Variants in APPBP2 observed in about 807,000 individuals in gnomAD.
The protein encoded by APPBP2 is amyloid beta precursor protein binding protein 2.
APPBP2 carries 15 observed loss-of-function variants against 76.0 expected under a neutral mutation model. The ratio of observed to expected loss-of-function variants is 0.20; its 90% CI spans 0.13 to 0.30. APPBP2 has a LOEUF of 0.30. Ranked by LOEUF, APPBP2 falls within the 10% of genes least tolerant of loss-of-function variation. APPBP2 has a pLI of 1.00. For missense variants in APPBP2, 401 were observed against 687.2 expected (o/e 0.58, Z 4.66); for synonymous variants, 222 against 242.2 (o/e 0.92, Z 0.77).
chr17:60,503,299 C>T (rs1329679359), intron 1 of APPBP2, among the ~76,000 whole-genome samples: 1 of 146,422 alleles, frequency 6.8e-6, no homozygotes, highest in East Asian at 1.9e-4. Flanking sequence ...GCATGAGTTT[C>T]TCTAGTTAAA....
At chr17:60,518,594 C>A (rs564944937) in intron 1 of APPBP2, among the ~76,000 whole-genome samples, 80 of 152,100 alleles carry the variant, frequency 5.3e-4, no homozygotes, top group South Asian at 8.3e-4. Context: ...CCACTCACTG[C>A]AGCCTTGAAT....
chr17:60,516,305 T>C (rs1007954424), intron 1 of APPBP2, among the ~76,000 whole-genome samples: 2 of 152,126 alleles, frequency 1.3e-5, no homozygotes, highest in South Asian at 2.1e-4. Flanking sequence ...AGAATGAAAG[T>C]TTTTTCGTTC....
In APPBP2 at chr17:60,446,911, T is replaced by C. The variant is rs919995491; in HGVS notation, c.*670A>G. The C allele has an allele frequency of 1.3e-5, 2 of 152,242 alleles. No homozygotes were observed. Among genetic ancestry groups the C allele is most frequent in the Non-Finnish European group, 1.5e-5 (1 of 68,032 alleles). The allele number at this position is 152,242 out of a possible 1,614,324, so 9.4% of individuals were successfully genotyped here. ...GCAAATGCTATCAGAGCATCTTGCA[T>C]TGTTGTACCAAAAAAAAAAAAGTCA... On this transcript the variant is annotated 3_prime_UTR_variant, in exon 13 of 13. Transcript: ENST00000083182.
rs879896202 is a variant in APPBP2 at position 60,504,138 on chromosome 17, T to TTTA, written c.139-3652_139-3651insTAA. Among the ~76,000 whole-genome samples, 253 of 152,326 alleles carry TTTA rather than the reference T, an allele frequency of 1.7e-3. 2 individuals are homozygous for TTTA. The highest frequency in any genetic ancestry group is 2.8e-3 in the Admixed American group (43 of 15,292). ...GATTCTCATATAAGATTTTTAAAAC[T>TTTA]TATTTTAGTTTATATTATGTACCCG... On this transcript the variant is annotated intron_variant, in intron 1 of 12. Transcript: ENST00000083182.
intron 2 of APPBP2, among the ~76,000 whole-genome samples, chr17:60,496,250 T>G (rs1212465226): frequency 6.6e-6 from 1 of 152,222 alleles, no homozygotes; most frequent in Non-Finnish European, 1.5e-5. Flanking sequence ...ATCTTGTGAA[T>G]AGTTGAATGG....
chr17:60,510,549 C>T (rs112951432), intron 1 of APPBP2, among the ~76,000 whole-genome samples: 12,450 of 151,454 alleles, frequency 0.082, 1,674 homozygotes, highest in African/African-American at 0.28. Context: ...TAGGGAGACC[C>T]CCATCACTAC....
At chr17:60,471,033 A>G (rs2090548607) in intron 4 of APPBP2, among the ~76,000 whole-genome samples, 1 of 151,590 alleles carries the variant, frequency 6.6e-6, no homozygotes, top group African/African-American at 2.4e-5. Flanking sequence ...CTGACCTCAG[A>G]TGATCTCTCT....
At chr17:60,460,452 C>G (rs1306176632) in intron 9 of APPBP2, 1 of 312,742 alleles carries the variant, frequency 3.2e-6, no homozygotes, top group Non-Finnish European at 5.6e-6. Context: ...GCTGGGATTA[C>G]AGGCGGGAGC....
rs969190917 is a variant in APPBP2, at chr17:60,444,833, G to A, written c.*2748C>T. Reference sequence around the variant, plus strand: ...CTTTAGGAAAAGACTGGGTAGAAGAGTCAGAGAAGGATGAGACCAAAGGCC... The same window carrying A: ...CTTTAGGAAAAGACTGGGTAGAAGAATCAGAGAAGGATGAGACCAAAGGCC... On this transcript the variant is annotated 3_prime_UTR_variant, in exon 13 of 13. Transcript: ENST00000083182. 6.6e-6 allele frequency: 1 copy of A among 152,546 alleles called. No homozygotes were observed. The highest frequency in any genetic ancestry group is 2.4e-5 in the African/African-American group (1 of 41,424). 9.4% of individuals were successfully genotyped at this position (152,546 alleles called of 1,614,324 possible). A position where few individuals can be genotyped will look rare whatever the true frequency, so the allele number is the denominator to read the frequency against.
intron 2 of APPBP2, among the ~76,000 whole-genome samples, chr17:60,500,104 C>T (rs964182969): frequency 4.0e-5 from 6 of 151,838 alleles, no homozygotes; most frequent in Admixed American, 3.9e-4. Context: ...CTCCGCCTCC[C>T]AGGTTCACGC....
Position 60,503,624 on chromosome 17 carries a change from G to A in APPBP2, c.139-3137C>T, listed in dbSNP as rs142502812. On this transcript the variant is annotated intron_variant, in intron 1 of 12. Transcript: ENST00000083182. ...TGGTCTTGAACTCCTGACCTCAGGT[G>A]ATCCGCCTGCCTTAGCCTCCCAATG... Among the ~76,000 whole-genome samples, 1,374 of 146,522 alleles carry A rather than the reference G, an allele frequency of 9.4e-3. 36 individuals carry two copies. Among genetic ancestry groups the A allele is most frequent in the Non-Finnish European group, 0.013 (870 of 68,020 alleles).
chr17:60,472,875 C>T (rs2090563522), intron 4 of APPBP2, among the ~76,000 whole-genome samples: 1 of 152,142 alleles, frequency 6.6e-6, no homozygotes, highest in African/African-American at 2.4e-5. Flanking sequence ...ATCTTATTTG[C>T]TACACATAGG....
intron 3 of APPBP2, among the ~76,000 whole-genome samples, chr17:60,486,545 G>A (rs1250453171): frequency 6.6e-6 from 1 of 152,056 alleles, no homozygotes; most frequent in East Asian, 1.9e-4. Context: ...CCACTTGCTT[G>A]GTAGATCTTT....
intron 2 of APPBP2, among the ~76,000 whole-genome samples, chr17:60,496,596 CTTAT>C (rs748555142): frequency 4.6e-5 from 7 of 152,146 alleles, no homozygotes; most frequent in Admixed American, 1.3e-4. Context: ...ATGAGAAGTT[CTTAT>C]TTATTAGATT....
rs537697537 is a variant in APPBP2 at position 60,519,522 on chromosome 17, G to A, written c.138+6272C>T. Among the ~76,000 whole-genome samples the A allele has an allele frequency of 2.0e-5, 3 of 151,940 alleles. No homozygotes were observed. In the East Asian group the frequency reaches 5.8e-4, roughly 30 times the overall value. The stretch of plus-strand genomic sequence containing the variant: ...GAAAATTTTTTTTTTAATTAACCAG[G>A]TGTGGTGGCAAGCATCTGTAGTCCT... On this transcript the variant is annotated intron_variant, in intron 1 of 12. Transcript: ENST00000083182.
At chr17:60,473,794 AC>A (rs2090570077) in intron 4 of APPBP2, among the ~76,000 whole-genome samples, 1 of 152,224 alleles carries the variant, frequency 6.6e-6, no homozygotes, top group Non-Finnish European at 1.5e-5. Flanking sequence ...TGTACCTTAA[AC>A]ATTTAGCTTC....
At chr17:60,507,311 T>A (rs554399946) in intron 1 of APPBP2, among the ~76,000 whole-genome samples, 1 of 152,076 alleles carries the variant, frequency 6.6e-6, no homozygotes, top group South Asian at 2.1e-4. Flanking sequence ...AACCTCTGCC[T>A]CCTGGGTTCA....
intron 1 of APPBP2, among the ~76,000 whole-genome samples, chr17:60,524,610 G>GAAAAAAAAAAAA (rs35185909): frequency 5.0e-4 from 25 of 49,936 alleles, no homozygotes; most frequent in African/African-American, 1.1e-3. Context: ...TGCTAATTCT[G>GAAAAAAAAAAAA]AAAAAAAAAA....
intron 4 of APPBP2, among the ~76,000 whole-genome samples, chr17:60,478,514 T>C (rs2090606812): frequency 1.3e-5 from 2 of 152,274 alleles, no homozygotes; most frequent in Non-Finnish European, 1.5e-5. Context: ...AGTACATTTC[T>C]GGAGTTTCCG....
Sources: gnomAD v4.1 joint callset for allele counts (sites outside exome capture counted in the v4.1 genomes callset) on GRCh38, gnomAD v4.1.1 for gene constraint, MANE v1.5 for transcripts, NCBI Gene and HGNC (gene_info 2026-07-23, HGNC 2026-07-21) for gene names.